ASIC2: variants seen among roughly 807,000 people sequenced by gnomAD.
The protein encoded by ASIC2 is acid-sensing ion channel 2.
A neutral mutation model predicts 57.3 loss-of-function variants in ASIC2; 25 were observed. That is an observed-to-expected ratio of 0.44 (90% CI 0.32 to 0.61). ASIC2 has a LOEUF of 0.61. Among genes scored for constraint, ASIC2 ranks in the 20% least tolerant of loss-of-function variants. The pLI, the probability that ASIC2 is intolerant of heterozygous loss-of-function variation, is 0.06. For missense variants in ASIC2, 641 were observed against 738.1 expected (o/e 0.87, Z 1.52); for synonymous variants, 319 against 307.5 (o/e 1.04, Z -0.39).
chr17:33,202,841 TG>T (rs112108826), intron 1 of ASIC2, among the ~76,000 whole-genome samples: 1 of 152,126 alleles, frequency 6.6e-6, no homozygotes. Context: ...CTCTCTACCC[TG>T]GGGGATGGTC....
intron 3 of ASIC2, among the ~76,000 whole-genome samples, chr17:33,067,889 C>T (rs181884805): frequency 2.6e-5 from 4 of 152,196 alleles, no homozygotes; most frequent in African/African-American, 7.2e-5. Flanking sequence ...GCATCATCAA[C>T]CTTTTCTGAG....
chr17:33,967,557 C>T (rs529402614), intron 1 of ASIC2, among the ~76,000 whole-genome samples: 1 of 152,158 alleles, frequency 6.6e-6, no homozygotes, highest in African/African-American at 2.4e-5. Flanking sequence ...TTAAACACAA[C>T]TTTGAAGGTG....
chr17:33,827,991 T>G (rs1034833458), intron 1 of ASIC2: 10 of 152,214 alleles, frequency 6.6e-5, no homozygotes, highest in African/African-American at 2.4e-4. Context: ...TTTCTGTTCC[T>G]GTGTTAGTTT....
intron 3 of ASIC2, among the ~76,000 whole-genome samples, chr17:33,068,437 G>T (rs1014152798): frequency 6.6e-6 from 1 of 152,176 alleles, no homozygotes; most frequent in Non-Finnish European, 1.5e-5. Context: ...GGAGGCTGAG[G>T]CAGGAGAATT....
At chr17:34,154,594 G>C (rs141879754) in intron 1 of ASIC2, among the ~76,000 whole-genome samples, 1 of 152,152 alleles carries the variant, frequency 6.6e-6, no homozygotes, top group Admixed American at 6.5e-5. Flanking sequence ...GCAGAGACTG[G>C]TTATGGCATT....
rs574909601 is a variant in ASIC2, at chr17:33,062,467, C to T, written c.987+26396G>A. On this transcript the variant is annotated intron_variant, in intron 3 of 9. Coordinates refer to ENST00000225823, the MANE Select transcript of ASIC2 (RefSeq NM_183377.2). Reference sequence around the variant, plus strand: ...CTTGTTCAGTTTCCAGGTAGTTGAGCGGTTTTGAGTGAGTTTCTTAATCCT... The same window carrying T: ...CTTGTTCAGTTTCCAGGTAGTTGAGTGGTTTTGAGTGAGTTTCTTAATCCT... Among the ~76,000 whole-genome samples the T allele has an allele frequency of 1.6e-4, 24 of 152,232 alleles. 1 individual carries two copies. The East Asian group carries it at 2.3e-3, about 15-fold the overall frequency.
chr17:33,464,530 TTCTTTCTTTC>T (rs1567621154), intron 1 of ASIC2, among the ~76,000 whole-genome samples: 2,528 of 43,398 alleles, frequency 0.058, 65 homozygotes, highest in African/African-American at 0.12. Context: ...CTTTCTTTCT[TTCTTTCTTTC>T]TCTTTCTTTC....
chr17:33,328,481 C>A (rs1047416911), intron 1 of ASIC2, among the ~76,000 whole-genome samples: 3 of 152,160 alleles, frequency 2.0e-5, no homozygotes, highest in Non-Finnish European at 4.4e-5. Context: ...CTCCTCTTCC[C>A]TCTTCTAATC....
chr17:33,652,352 T>C (rs1478067608), intron 1 of ASIC2, among the ~76,000 whole-genome samples: 1 of 152,152 alleles, frequency 6.6e-6, no homozygotes, highest in Non-Finnish European at 1.5e-5. Flanking sequence ...CATCTCAAGC[T>C]CTTGTGCAAG....
chr17:33,353,657 A>T (rs1346597120), intron 1 of ASIC2, among the ~76,000 whole-genome samples: 2 of 152,176 alleles, frequency 1.3e-5, no homozygotes, highest in Non-Finnish European at 2.9e-5. Flanking sequence ...TTATTCTTTA[A>T]GGCCCAGCCA....
At chr17:33,698,835 A>G (rs1221736216) in intron 1 of ASIC2, among the ~76,000 whole-genome samples, 4 of 152,126 alleles carry the variant, frequency 2.6e-5, no homozygotes, top group Non-Finnish European at 5.9e-5. Flanking sequence ...CCCGCAGCTC[A>G]TTTCCTGGGA....
At chr17:33,860,286 A>C (rs1352573713) in intron 1 of ASIC2, among the ~76,000 whole-genome samples, 1 of 152,202 alleles carries the variant, frequency 6.6e-6, no homozygotes, top group Admixed American at 6.5e-5. Context: ...CAGGCTGCCT[A>C]GAATTCTTAA....
intron 3 of ASIC2, among the ~76,000 whole-genome samples, chr17:33,034,823 C>T (rs2091902312): frequency 6.6e-6 from 1 of 152,064 alleles, no homozygotes. Context: ...TGTAGTTATC[C>T]TGCTTGGGGA....
intron 1 of ASIC2, among the ~76,000 whole-genome samples, chr17:33,375,089 T>C (rs1328963155): frequency 6.6e-6 from 1 of 152,302 alleles, no homozygotes; most frequent in East Asian, 1.9e-4. Context: ...TAATTATTTA[T>C]TCATTACATA....
intron 3 of ASIC2, among the ~76,000 whole-genome samples, chr17:33,057,741 C>T (rs1319386854): frequency 6.6e-6 from 1 of 152,214 alleles, no homozygotes; most frequent in Non-Finnish European, 1.5e-5. Flanking sequence ...GGGCTGACCT[C>T]CAGGGCAGGA....
intron 1 of ASIC2, among the ~76,000 whole-genome samples, chr17:33,220,937 T>G (rs1907666028): frequency 6.6e-6 from 1 of 152,024 alleles, no homozygotes; most frequent in East Asian, 1.9e-4. Context: ...CTGGATGTGG[T>G]GGTGCACGCC....
intron 1 of ASIC2, among the ~76,000 whole-genome samples, chr17:33,762,718 T>A (rs911985710): frequency 1.3e-5 from 2 of 152,202 alleles, no homozygotes; most frequent in East Asian, 3.9e-4. Context: ...GTTTGAACTT[T>A]GTTAGCACTG....
chr17:33,727,675 G>A lies in ASIC2; in HGVS notation c.555+428303C>T, dbSNP rs546752912. Reference sequence around the variant, plus strand: ...CTACCATGACTGCAAGTTTCCTGAGGCCTTCCCAGAAGCCAACGGATGGCC... The same window carrying A: ...CTACCATGACTGCAAGTTTCCTGAGACCTTCCCAGAAGCCAACGGATGGCC... On this transcript the variant is annotated intron_variant, in intron 1 of 9. Transcript: ENST00000359872. 2.6e-3 allele frequency among the ~76,000 whole-genome samples: 400 copies of A among 152,274 alleles called. 1 individual carries two copies. The highest frequency in any genetic ancestry group is 9.2e-3 in the African/African-American group (381 of 41,556).
At chr17:33,206,234 G>A (rs1016085711) in intron 1 of ASIC2, among the ~76,000 whole-genome samples, 7 of 152,064 alleles carry the variant, frequency 4.6e-5, no homozygotes, top group South Asian at 2.1e-4. Flanking sequence ...ATAAATCCTC[G>A]GGACCCATTT....
Sources: gnomAD v4.1 joint callset for allele counts (sites outside exome capture counted in the v4.1 genomes callset) on GRCh38, gnomAD v4.1.1 for gene constraint, MANE v1.5 for transcripts, NCBI Gene and HGNC (gene_info 2026-07-23, HGNC 2026-07-21) for gene names.